STIM1: variants seen among roughly 807,000 people sequenced by gnomAD.
STIM1 encodes stromal interaction molecule 1.
Under a neutral mutation model 74.7 loss-of-function variants are expected in STIM1, and 25 were observed. The ratio of observed to expected loss-of-function variants is 0.33; its 90% confidence interval spans 0.24 to 0.47. STIM1 has a LOEUF of 0.47. Among genes scored for constraint, STIM1 ranks in the 20% least tolerant of loss-of-function variants. The probability of loss-of-function intolerance (pLI) is 1.00; values close to 1 mark genes in which losing one functional copy is unlikely to be tolerated. For synonymous variants in STIM1, 328 were observed against 348.8 expected (o/e 0.94, Z 0.66); for missense variants, 728 against 920.8 (o/e 0.79, Z 2.71).
At chr11:3,896,566 G>C (rs1007966278) in intron 1 of STIM1, among the ~76,000 whole-genome samples, 1 of 152,246 alleles carries the variant, frequency 6.6e-6, no homozygotes, top group African/African-American at 2.4e-5. Context: ...GGAAGCATAA[G>C]ATTTAGTAAT....
intron 2 of STIM1, among the ~76,000 whole-genome samples, chr11:4,000,836 G>A (rs982023760): frequency 1.8e-4 from 27 of 151,986 alleles, no homozygotes; most frequent in Non-Finnish European, 1.2e-4. Flanking sequence ...TGAAAACTTT[G>A]AAAAAAATTT....
intron 2 of STIM1, among the ~76,000 whole-genome samples, chr11:4,014,678 G>T (rs928361712): frequency 4.6e-5 from 7 of 152,064 alleles, no homozygotes; most frequent in Non-Finnish European, 1.0e-4. Flanking sequence ...TTATTGTGTG[G>T]GAGTCTAAGT....
chr11:4,070,735 A>G (rs769618889), intron 6 of STIM1, among the ~76,000 whole-genome samples: 4 of 152,216 alleles, frequency 2.6e-5, no homozygotes, highest in Admixed American at 6.5e-5. Flanking sequence ...GGAGAATGCT[A>G]AACTCTCCTA....
chr11:3,975,354 C>T (rs938372048), intron 2 of STIM1, among the ~76,000 whole-genome samples: 6 of 152,204 alleles, frequency 3.9e-5, no homozygotes, highest in African/African-American at 1.2e-4. Flanking sequence ...TAGTGGCTCA[C>T]GCCTGTAATC....
chr11:3,925,606 A>C (rs2092778412), intron 1 of STIM1, among the ~76,000 whole-genome samples: 1 of 152,230 alleles, frequency 6.6e-6, no homozygotes, highest in Non-Finnish European at 1.5e-5. Context: ...GTTTATCTTC[A>C]GATATAATTT....
chr11:4,056,401 A>G (rs1000573839), intron 4 of STIM1, among the ~76,000 whole-genome samples: 1 of 152,236 alleles, frequency 6.6e-6, no homozygotes, highest in African/African-American at 2.4e-5. Context: ...CCATTTACTT[A>G]TTCATCCAAC....
At chr11:4,086,454 C>T (rs375165329) in intron 11 of STIM1, 23 bp from the exon 12 acceptor site, 68 of 1,613,114 alleles carry the variant, frequency 4.2e-5, no homozygotes, top group Non-Finnish European at 5.5e-5. Context: ...CCCCTCCTGA[C>T]ACTTTCTTTA....
intron 3 of STIM1, among the ~76,000 whole-genome samples, chr11:4,054,956 A>T (rs972743336): frequency 6.6e-6 from 1 of 152,110 alleles, no homozygotes; most frequent in African/African-American, 2.4e-5. Flanking sequence ...TGCTTCACTC[A>T]TGCTGTTTAG....
chr11:3,966,130 C>T (rs1234141191), intron 1 of STIM1, among the ~76,000 whole-genome samples: 2 of 152,206 alleles, frequency 1.3e-5, no homozygotes. Context: ...GCTATCTGGT[C>T]ACCCTAGCAA....
chr11:4,042,852 A>G (rs985808975), intron 3 of STIM1, among the ~76,000 whole-genome samples: 1 of 152,224 alleles, frequency 6.6e-6, no homozygotes, highest in East Asian at 1.9e-4. Context: ...CTGAGTTTGT[A>G]TTAAATCCTA....
chr11:3,989,079 A>T, intron 2 of STIM1: 1 of 1,360,228 alleles, frequency 7.4e-7, no homozygotes, highest in Non-Finnish European at 1.0e-6. Context: ...TTGCATTTAC[A>T]AAATAGTTGA....
At chr11:4,086,996 C>G in intron 12 of STIM1, 1 of 1,303,482 alleles carries the variant, frequency 7.7e-7, no homozygotes, top group Non-Finnish European at 1.0e-6. Flanking sequence ...CTGTTTGTTC[C>G]CAGCTCTGGG....
chr11:3,883,586 C>T (rs552063455), intron 1 of STIM1, among the ~76,000 whole-genome samples: 26 of 152,330 alleles, frequency 1.7e-4, no homozygotes, highest in Non-Finnish European at 3.2e-4. Flanking sequence ...CTCCTGACCT[C>T]AGGTGATCCA....
In STIM1 at chr11:4,091,362, G is replaced by A. The variant is rs1337761156; in HGVS notation, c.1715G>A (p.Ser572Asn). ...QRVAPKPPQMSRAADEALNAM... is the reference protein window; with the variant it reads ...QRVAPKPPQMNRAADEALNAM... Reference sequence around the variant, plus strand: ...GTGGCCCCCAAACCTCCTCAGATGAGCCGTGCTGCAGACGAGGCTCTCAAT... The same window carrying A: ...GTGGCCCCCAAACCTCCTCAGATGAACCGTGCTGCAGACGAGGCTCTCAAT... The change falls in exon 13 of 13, where the codon AGC becomes AAC. Residue 572 changes from serine (S) to asparagine (N), a missense_variant. Physicochemically the swap from Ser to Asn is conservative, Grantham distance 46. Coordinates refer to ENST00000526596, the MANE Select transcript of STIM1 (RefSeq NM_001382567.1). 5 of 1,614,198 alleles carry A rather than the reference G, an allele frequency of 3.1e-6. No individual in the cohort carries two copies. Among genetic ancestry groups the A allele is most frequent in the Admixed American group, 1.7e-5 (1 of 60,032 alleles).
intron 6 of STIM1, among the ~76,000 whole-genome samples, chr11:4,072,181 G>A (rs2094408066): frequency 6.6e-6 from 1 of 152,110 alleles, no homozygotes; most frequent in Admixed American, 6.5e-5. Context: ...TGACCACTGT[G>A]GCACTTAGAA....
chr11:4,008,158 T>A (rs1438685643), intron 2 of STIM1, among the ~76,000 whole-genome samples: 1 of 152,190 alleles, frequency 6.6e-6, no homozygotes, highest in Non-Finnish European at 1.5e-5. Context: ...TATGTTTGGA[T>A]ATGTTTAGGT....
chr11:4,051,444 G>A (rs1425711290), intron 3 of STIM1, among the ~76,000 whole-genome samples: 1 of 151,240 alleles, frequency 6.6e-6, no homozygotes, highest in Non-Finnish European at 1.5e-5. Context: ...CCGAGTTCAA[G>A]CGATTTTCCT....
At chr11:3,929,318 C>T (rs1247983224) in intron 1 of STIM1, among the ~76,000 whole-genome samples, 1 of 152,152 alleles carries the variant, frequency 6.6e-6, no homozygotes, top group African/African-American at 2.4e-5. Flanking sequence ...GCAGTTAGTA[C>T]CCCACATTCT....
At chr11:3,874,142 G>T (rs911903708) in intron 1 of STIM1, among the ~76,000 whole-genome samples, 3 of 152,164 alleles carry the variant, frequency 2.0e-5, no homozygotes, top group African/African-American at 7.2e-5. Context: ...AAAATGGACT[G>T]CCAAACATTT....
Sources: allele counts gnomAD v4.1 joint callset (sites outside exome capture counted in the v4.1 genomes callset), GRCh38; gene constraint gnomAD v4.1.1; transcripts MANE v1.5; gene names NCBI Gene and HGNC (gene_info 2026-07-23, HGNC 2026-07-21).